PTPN23: variants seen among roughly 807,000 people sequenced by gnomAD.
PTPN23 encodes tyrosine-protein phosphatase non-receptor type 23.
In PTPN23, 72 loss-of-function variants were observed where a neutral mutation model predicts 156.3. The observed-to-expected ratio is 0.46, with a 90% confidence interval of 0.38 to 0.56. The LOEUF is 0.56. Ranked by LOEUF, PTPN23 falls within the 20% of genes least tolerant of loss-of-function variation. The pLI, the probability that PTPN23 is intolerant of heterozygous loss-of-function variation, is 0.00. For synonymous variants in PTPN23, 957 were observed against 899.6 expected, an observed-to-expected ratio of 1.06 and a Z score of -1.14; for missense variants, 1,974 against 2,171.5, an observed-to-expected ratio of 0.91 and a Z score of 1.81.
intron 19 of PTPN23, 38 bp downstream of exon 19, chr3:47,409,872 C>A: frequency 6.3e-7 from 1 of 1,595,868 alleles, no homozygotes; most frequent in South Asian, 1.1e-5. Context: ...GGCTCGGGTC[C>A]AGACAGGCTG....
rs951183758 is a variant in PTPN23, at chr3:47,405,359, G to A, written c.364+278G>A. On this transcript the variant is annotated intron_variant, in intron 4 of 24. Transcript: ENST00000265562. This position sits in a 1 kb window ranked among gnomAD's most constrained non-coding sequence, Gnocchi z 4.7. ...GAGAGAGGGCCTTTCTTCTTTGACT[G>A]GACAGCCCCTCCCCACTGTGGTTTT... The A allele has an allele frequency of 5.1e-5, 28 of 545,204 alleles. No homozygotes were observed. Among genetic ancestry groups the A allele is most frequent in the Middle Eastern group, 4.9e-4 (1 of 2,028 alleles). 33.8% of individuals were successfully genotyped at this position (545,204 alleles called of 1,614,324 possible).
In PTPN23 at chr3:47,410,901, C is replaced by T. The variant is rs146697069; in HGVS notation, c.3103C>T (p.Pro1035Ser). 41 of 1,611,436 alleles carry T rather than the reference C, an allele frequency of 2.5e-5. No homozygotes were observed. Among genetic ancestry groups the T allele is most frequent in the Non-Finnish European group, 3.5e-5 (41 of 1,178,846 alleles). ...TCTGCCAGCCCACTCAGGGGCTCTG[C>T]CTTTCCCCAGCCCTGGGCCCCCTCA... is the stretch of plus-strand genomic sequence containing the variant. Reference protein sequence around the residue: ...DPLPAHSGALPFPSPGPPQPP... With the variant: ...DPLPAHSGALSFPSPGPPQPP... Residue 1035 changes from proline to serine, a missense_variant, in exon 20 of 25, where the codon CCT (proline) becomes TCT (serine). Physicochemically the swap from Pro to Ser is moderately conservative, Grantham distance 74. This residue lies in a region of PTPN23 where 731 missense variants were observed against 669.1 expected (regional missense o/e 1.09). Coordinates refer to ENST00000265562, the MANE Select transcript of PTPN23 (RefSeq NM_015466.4).
intron 2 of PTPN23, among the ~76,000 whole-genome samples, chr3:47,397,365 T>G (rs1178612875): frequency 6.6e-6 from 1 of 152,228 alleles, no homozygotes; most frequent in East Asian, 1.9e-4. Flanking sequence ...ACAGCACCTG[T>G]GAAGTGCAAT....
intron 2 of PTPN23, among the ~76,000 whole-genome samples, chr3:47,402,219 A>G (rs2107709726): frequency 6.6e-6 from 1 of 152,322 alleles, no homozygotes; most frequent in African/African-American, 2.4e-5. Context: ...ATAAATACAT[A>G]AACAATATGA....
In PTPN23 at chr3:47,407,101, A is replaced by G. The variant is rs1705144803; in HGVS notation, c.808-29A>G. On this transcript the variant is annotated intron_variant, in intron 9 of 24. Transcript: ENST00000265562. This position sits in a 1 kb window ranked among gnomAD's most constrained non-coding sequence, Gnocchi z 4.0. ...AGAAAGGGTCCAAGCAGAGGAGGAC[A>G]GAGCAGGCTTTCCTGCCACCCTCCA... The G allele has an allele frequency of 4.3e-6, 7 of 1,613,734 alleles. No individual in the cohort carries two copies. The highest frequency in any genetic ancestry group is 2.2e-5 in the East Asian group (1 of 44,856).
intron 2 of PTPN23, 21 bp downstream of exon 2, chr3:47,396,238 T>C (rs757254345): frequency 1.9e-6 from 3 of 1,586,588 alleles, no homozygotes; most frequent in Non-Finnish European, 2.6e-6. Flanking sequence ...AGTATTATCT[T>C]TTTATGCATG....
At chr3:47,389,863 A>G (rs1206281394) in intron 1 of PTPN23, among the ~76,000 whole-genome samples, 2 of 145,222 alleles carry the variant, frequency 1.4e-5, no homozygotes, top group African/African-American at 2.7e-5. Context: ...AAAAAAAAAA[A>G]GGAGTTCGAG....
rs149810718 is a variant in PTPN23 at position 47,401,618 on chromosome 3, T to G, written c.160-3034T>G. On this transcript the variant is annotated intron_variant, in intron 2 of 24. Coordinates refer to ENST00000265562, the MANE Select transcript of PTPN23 (RefSeq NM_015466.4). ...GCTGTTATTGCTTAGGATGTGGCTC[T>G]TAATTTTAAAAATGGATTGTTTAAA... is the stretch of plus-strand genomic sequence containing the variant. 7.4e-3 allele frequency among the ~76,000 whole-genome samples: 1,122 copies of G among 152,344 alleles called. 18 individuals carry two copies. Among genetic ancestry groups the G allele is most frequent in the African/African-American group, 0.025 (1,053 of 41,574 alleles).
At chr3:47,404,567 T>C (rs965310964) in intron 2 of PTPN23, 85 bp from the exon 3 acceptor site, 1 of 1,561,022 alleles carries the variant, frequency 6.4e-7, no homozygotes, top group African/African-American at 1.4e-5. Flanking sequence ...CTGTGATGCA[T>C]TTTCCTGGCA....
In PTPN23 at chr3:47,407,296, C is replaced by T. The variant is rs935116542; in HGVS notation, c.865-13C>T. On this transcript the variant is annotated splice_polypyrimidine_tract_variant and intron_variant, in intron 10 of 24. Transcript: ENST00000265562. This position sits in a 1 kb window ranked among gnomAD's most constrained non-coding sequence, Gnocchi z 4.0. Reference sequence around the variant, plus strand: ...TTAGTGCTAAGGCCCCACCCCTGTCCCTAACCCCACAGGGCCAGCCTGACA... The same window carrying T: ...TTAGTGCTAAGGCCCCACCCCTGTCTCTAACCCCACAGGGCCAGCCTGACA... The T allele has an allele frequency of 5.0e-6, 8 of 1,613,736 alleles. No homozygotes were observed. The highest frequency in any genetic ancestry group is 5.9e-6 in the Non-Finnish European group (7 of 1,179,872).
chr3:47,411,804 C>A lies in PTPN23; in HGVS notation c.3910C>A (p.Pro1304Thr). Residue 1304 changes from proline to threonine, a missense_variant, in exon 21 of 25, where the codon CCC becomes ACC. Coordinates refer to ENST00000265562, the MANE Select transcript of PTPN23 (RefSeq NM_015466.4). This position sits in a 1 kb window ranked among gnomAD's most constrained non-coding sequence, Gnocchi z 6.3. ...TCAGCAAAAAGTGGCACGCTACTTC[C>A]CCACCGAGAGGGGCCAGCCCATGGT... ...MEKQKVARYF[P>T]TERGQPMVHG... The A allele has an allele frequency of 6.2e-7, 1 of 1,604,446 alleles. No individual in the cohort carries two copies. Among genetic ancestry groups the A allele is most frequent in the African/African-American group, 1.3e-5 (1 of 74,134 alleles).
At chr3:47,401,200 CTTTTA>C (rs1172293869) in intron 2 of PTPN23, among the ~76,000 whole-genome samples, 2 of 143,064 alleles carry the variant, frequency 1.4e-5, no homozygotes, top group African/African-American at 2.6e-5. Context: ...TGCGTCCGGC[CTTTTA>C]TTTTATTTTT....
At chr3:47,386,545 T>C (rs373612294) in intron 1 of PTPN23, among the ~76,000 whole-genome samples, 1 of 152,202 alleles carries the variant, frequency 6.6e-6, no homozygotes, top group African/African-American at 2.4e-5. Context: ...TTCAGGCTTA[T>C]GGAATTTTTT....
rs149474517 is a variant in PTPN23 at position 47,408,832 on chromosome 3, T to C, written c.1387T>C (p.Leu463=). The change falls in exon 16 of 25, where the codon TTG becomes CTG. Residue 463 remains leucine (L), a synonymous_variant. Transcript: ENST00000265562. The part of the protein sequence containing the change: ...EASLKDIRDL[L]EEDELLEQKF... Reference sequence around the variant, plus strand: ...TTCCCTGAAGGACATCAGAGATCTGTTGGAGGAGGATGAGCTGCTAGAGCA... The same window carrying C: ...TTCCCTGAAGGACATCAGAGATCTGCTGGAGGAGGATGAGCTGCTAGAGCA... The C allele has an allele frequency of 1.1e-4, 178 of 1,613,592 alleles. No individual in the cohort carries two copies. The African/African-American group carries it at 1.9e-3, about 17-fold the overall frequency.
Position 47,409,160 on chromosome 3 carries a change from CAG to C in PTPN23, c.1643_1644del. 6.2e-7 allele frequency: 1 copy of C among 1,612,626 alleles called. No individual in the cohort carries two copies. The highest frequency in any genetic ancestry group is 8.5e-7 in the Non-Finnish European group (1 of 1,178,984). Reference sequence around the variant, plus strand: ...TGGCCTCACTGACCACTGCTGCCCACAGAGGACAAGGCCGTGCTGCAAAACCT... The same window carrying C: ...TGGCCTCACTGACCACTGCTGCCCACAGGACAAGGCCGTGCTGCAAAACCT... On this transcript the variant is annotated splice_acceptor_variant, in intron 16 of 24. Transcript: ENST00000265562. LOFTEE classifies it high-confidence loss of function.
In PTPN23 at chr3:47,396,215, C is replaced by G. The variant is rs1159541105; in HGVS notation, c.157C>G (p.Gln53Glu). Residue 53 changes from glutamine (Q) to glutamate (E), a missense_variant and splice_region_variant, in exon 2 of 25, where the codon CAG becomes GAG. Gln to Glu is a conservative substitution (Grantham distance 29). Around this residue, in one of 4 missense-constraint regions of PTPN23, gnomAD observed 726 missense variants for 929.5 expected, o/e 0.78. Coordinates refer to ENST00000265562, the MANE Select transcript of PTPN23 (RefSeq NM_015466.4). ...ACTGAAGAAGCTGGAGTTGCTCAGA[C>G]AGGTAGGAGGATAGTATTATCTTTT... Reference protein sequence around the residue: ...EELKKLELLRQNAVRVPRDFE... With the variant: ...EELKKLELLRENAVRVPRDFE... The G allele has an allele frequency of 6.2e-7, 1 of 1,609,896 alleles. No individual in the cohort carries two copies. The highest frequency in any genetic ancestry group is 1.3e-5 in the African/African-American group (1 of 74,784).
chr3:47,412,642 G>A lies in PTPN23; in HGVS notation c.4431+15G>A, dbSNP rs372509280. On this transcript the variant is annotated intron_variant, in intron 24 of 24. Coordinates refer to ENST00000265562, the MANE Select transcript of PTPN23 (RefSeq NM_015466.4). ...TCAGCCAGAAGGTGAGGAAGGTTCC[G>A]TGGAAGCTGCTGGGAGAGCCACAGC... The A allele has an allele frequency of 9.3e-6, 15 of 1,610,066 alleles. No homozygotes were observed. The highest frequency in any genetic ancestry group is 4.5e-5 in the East Asian group (2 of 44,840).
intron 15 of PTPN23, 102 bp from the exon 16 acceptor site, chr3:47,408,674 T>G (rs1015904314): frequency 6.8e-7 from 1 of 1,469,614 alleles, no homozygotes. Context: ...TGGGCCTCAC[T>G]TAAGCCCTGA....
chr3:47,400,759 A>T (rs1036817306), intron 2 of PTPN23, among the ~76,000 whole-genome samples: 1 of 151,958 alleles, frequency 6.6e-6, no homozygotes, highest in Non-Finnish European at 1.5e-5. Context: ...TTTTTAGTAG[A>T]GACAGGGTTT....
Sources: allele counts gnomAD v4.1 joint callset (sites outside exome capture counted in the v4.1 genomes callset), GRCh38; gene constraint gnomAD v4.1.1; regional missense constraint gnomAD v4.1.1; non-coding constraint Gnocchi (gnomAD v3.1); transcripts MANE v1.5; gene names NCBI Gene and HGNC (gene_info 2026-07-23, HGNC 2026-07-21).